The following PDLIM5 variants were observed in gnomAD, a reference collection of about 807,000 sequenced individuals.
The protein encoded by PDLIM5 is PDZ and LIM domain 5, also known as PDZ and LIM domain protein 5.
A neutral mutation model predicts 64.2 loss-of-function variants in PDLIM5; 34 were observed. The ratio of observed to expected loss-of-function variants is 0.53; its 90% CI spans 0.40 to 0.71. The LOEUF (loss-of-function observed/expected upper bound fraction) is 0.71. PDLIM5 is among the 30% of genes least tolerant of loss of function. The probability of loss-of-function intolerance (pLI) is 0.00; values close to 1 mark genes in which losing one functional copy is unlikely to be tolerated. For synonymous variants in PDLIM5, 253 were observed against 269.1 expected (o/e 0.94, Z 0.59); for missense variants, 683 against 733.6 (o/e 0.93, Z 0.80).
intron 7 of PDLIM5, chr4:94,608,251 A>G (rs1738085678): frequency 9.8e-7 from 1 of 1,024,500 alleles, no homozygotes; most frequent in African/African-American, 1.6e-5. Context: ...ACTGTTTGAA[A>G]AAGAAAAAAT....
chr4:94,620,677 AAATT>A (rs979942825), intron 8 of PDLIM5, among the ~76,000 whole-genome samples: 1 of 152,078 alleles, frequency 6.6e-6, no homozygotes, highest in Non-Finnish European at 1.5e-5. Flanking sequence ...GATACTAAAT[AAATT>A]ATTTATAAAT....
chr4:94,661,700 T>G lies in PDLIM5; in HGVS notation c.1586-722T>G, dbSNP rs112834917. Among the ~76,000 whole-genome samples the G allele has an allele frequency of 5.0e-3, 767 of 152,336 alleles. 3 individuals carry two copies. Among genetic ancestry groups the G allele is most frequent in the African/African-American group, 0.017 (717 of 41,574 alleles). On this transcript the variant is annotated intron_variant, in intron 11 of 12. Transcript: ENST00000317968. ...TGACCAAGTCAGATACGCTATGAAA[T>G]TTGCCAATATCAGATTTTGTTTTTG... is the stretch of plus-strand genomic sequence containing the variant.
intron 3 of PDLIM5, among the ~76,000 whole-genome samples, chr4:94,548,526 A>G (rs1732520291): frequency 6.6e-6 from 1 of 152,174 alleles, no homozygotes; most frequent in Non-Finnish European, 1.5e-5. Context: ...TAGAAAGTTC[A>G]TATACATCCA....
At chr4:94,564,673 T>TTTTTG (rs1195951922) in intron 3 of PDLIM5, among the ~76,000 whole-genome samples, 1 of 144,858 alleles carries the variant, frequency 6.9e-6, no homozygotes, top group African/African-American at 2.8e-5. Flanking sequence ...TTTTTTTTTT[T>TTTTTG]TTGACAGAGT....
chr4:94,548,085 C>G (rs902883076), intron 3 of PDLIM5, among the ~76,000 whole-genome samples: 2 of 152,172 alleles, frequency 1.3e-5, no homozygotes, highest in African/African-American at 4.8e-5. Context: ...TTTTATGACA[C>G]TTTTAATTTT....
At chr4:94,596,391 A>C (rs148832366) in intron 7 of PDLIM5, among the ~76,000 whole-genome samples, 1 of 152,138 alleles carries the variant, frequency 6.6e-6, no homozygotes, top group Non-Finnish European at 1.5e-5. Context: ...TCCTTCTCTT[A>C]TAATGCTGTT....
At chr4:94,471,268 A>G (rs937497146) in intron 2 of PDLIM5, among the ~76,000 whole-genome samples, 2 of 152,174 alleles carry the variant, frequency 1.3e-5, no homozygotes, top group African/African-American at 4.8e-5. Context: ...AAACCAACTT[A>G]TAAATTACCT....
chr4:94,653,837 T>C (rs10031667), intron 9 of PDLIM5, among the ~76,000 whole-genome samples: 149,748 of 152,198 alleles, frequency 0.98, 73,698 homozygotes, highest in East Asian at 1. Flanking sequence ...GAAACCTTTC[T>C]GAGTAGTTTC....
intron 2 of PDLIM5, chr4:94,455,740 C>T (rs1422739214): frequency 1.3e-6 from 2 of 1,487,692 alleles, no homozygotes; most frequent in Non-Finnish European, 1.8e-6. Context: ...TTAATAATCT[C>T]TTTCAGTTCC....
chr4:94,453,540 A>G (rs1295195285), intron 1 of PDLIM5, among the ~76,000 whole-genome samples: 1 of 152,144 alleles, frequency 6.6e-6, no homozygotes, highest in Non-Finnish European at 1.5e-5. Flanking sequence ...TGTAGGGAAG[A>G]ATGGGGCCAG....
intron 3 of PDLIM5, among the ~76,000 whole-genome samples, chr4:94,572,513 C>G (rs1345953660): frequency 6.6e-6 from 1 of 152,116 alleles, no homozygotes; most frequent in Non-Finnish European, 1.5e-5. Flanking sequence ...GAGATAATTG[C>G]TCCAAACCAA....
Position 94,667,167 on chromosome 4 carries a change from A to T in PDLIM5, c.*3100A>T, listed in dbSNP as rs891717260. The T allele has an allele frequency of 6.6e-6, 1 of 152,170 alleles. No individual in the cohort carries two copies. Among genetic ancestry groups the T allele is most frequent in the African/African-American group, 2.4e-5 (1 of 41,422 alleles). The allele number at this position is 152,170 out of a possible 1,614,324, so 9.4% of individuals were successfully genotyped here. On this transcript the variant is annotated 3_prime_UTR_variant, in exon 13 of 13. Coordinates refer to ENST00000317968, the MANE Select transcript of PDLIM5 (RefSeq NM_006457.5). ...TTAAAATCATAATGCATGACTAAAA[A>T]CTCCTTGGATTTATTTCCCATTTTA...
intron 5 of PDLIM5, chr4:94,582,648 C>A: frequency 1.1e-6 from 1 of 942,822 alleles, no homozygotes; most frequent in Non-Finnish European, 1.7e-6. Flanking sequence ...TGTTGTTCAT[C>A]TTCCGGGGAA....
chr4:94,585,928 T>G (rs1277939204), intron 6 of PDLIM5, among the ~76,000 whole-genome samples, 191 bp downstream of exon 6: 8 of 152,044 alleles, frequency 5.3e-5, no homozygotes, highest in Non-Finnish European at 1.2e-4. Context: ...TCCCAGCGCT[T>G]TGGGAGGCCG....
chr4:94,462,147 G>A (rs1195570147), intron 2 of PDLIM5, among the ~76,000 whole-genome samples: 1 of 152,200 alleles, frequency 6.6e-6, no homozygotes, highest in Admixed American at 6.5e-5. Flanking sequence ...ACAGGCGTGA[G>A]CCACTGCACC....
rs1400559869 is a variant in PDLIM5, at chr4:94,573,392, A to C, written c.290A>C (p.Lys97Thr). 6.2e-7 allele frequency: 1 copy of C among 1,611,600 alleles called. No homozygotes were observed. The highest frequency in any genetic ancestry group is 1.1e-5 in the South Asian group (1 of 91,000). ...APKPEPVPVQ[K>T]GEPKEVVKPV... The stretch of plus-strand genomic sequence containing the variant: ...AAGCCTGAGCCGGTTCCTGTTCAAA[A>C]GGTGTGTTTTTAAGCTAGCACCCAG... The change falls in exon 4 of 13, where the codon AAG becomes ACG. Residue 97 changes from lysine to threonine, a missense_variant and splice_region_variant. Lys to Thr is a moderately conservative substitution (Grantham distance 78). Transcript: ENST00000317968.
intron 2 of PDLIM5, chr4:94,456,989 T>G (rs1308534220): frequency 2.8e-5 from 28 of 984,230 alleles, no homozygotes; most frequent in Non-Finnish European, 3.4e-5. Context: ...ATAATTCACT[T>G]TACCTTAAAT....
At chr4:94,654,374 T>C in intron 9 of PDLIM5, 86 bp from the exon 10 acceptor site, 4 of 830,226 alleles carry the variant, frequency 4.8e-6, no homozygotes, top group Non-Finnish European at 6.1e-6. Flanking sequence ...TTTAATTGGT[T>C]GGACATTGCA....
At chr4:94,654,429 A>C (rs369037561) in intron 9 of PDLIM5, 31 bp from the exon 10 acceptor site, 115 of 1,464,414 alleles carry the variant, frequency 7.9e-5, no homozygotes, top group Middle Eastern at 1.7e-4. Context: ...TTTTATTCTC[A>C]AACTTAGTTG....
Sources: allele counts gnomAD v4.1 joint callset (sites outside exome capture counted in the v4.1 genomes callset), GRCh38; gene constraint gnomAD v4.1.1; transcripts MANE v1.5; gene names NCBI Gene and HGNC (gene_info 2026-07-23, HGNC 2026-07-21).